Variants in ARHGAP32 observed in about 807,000 individuals in gnomAD.
ARHGAP32 encodes rho GTPase-activating protein 32.
In ARHGAP32, 51 loss-of-function variants were observed where a neutral mutation model predicts 186.5. The ratio of observed to expected loss-of-function variants is 0.27; its 90% confidence interval spans 0.22 to 0.35. The LOEUF (loss-of-function observed/expected upper bound fraction) is 0.35, where lower values mean the gene tolerates loss of function less well. Among genes scored for constraint, ARHGAP32 ranks in the 10% least tolerant of loss-of-function variants. The probability of loss-of-function intolerance (pLI) is 1.00; values close to 1 mark genes in which losing one functional copy is unlikely to be tolerated. For synonymous variants in ARHGAP32, 950 were observed against 964.3 expected, an observed-to-expected ratio of 0.99 and a Z score of 0.27; for missense variants, 2,186 against 2,623.5, an observed-to-expected ratio of 0.83 and a Z score of 3.64.
intron 5 of ARHGAP32, among the ~76,000 whole-genome samples, chr11:129,121,124 T>C (rs1452629805): frequency 6.6e-6 from 1 of 152,086 alleles, no homozygotes; most frequent in Non-Finnish European, 1.5e-5. Context: ...AGGAACTTTA[T>C]TTTAACTGCC....
chr11:129,252,403 G>C (rs1054674461), intron 1 of ARHGAP32, among the ~76,000 whole-genome samples: 2 of 152,142 alleles, frequency 1.3e-5, no homozygotes, highest in Non-Finnish European at 2.9e-5. Flanking sequence ...CAGTTTATCT[G>C]GCAACTTCGG....
Position 129,095,704 on chromosome 11 carries a change from T to C in ARHGAP32, c.445-1997A>G, listed in dbSNP as rs149112841. 3.9e-5 allele frequency among the ~76,000 whole-genome samples: 6 copies of C among 152,302 alleles called. No individual in the cohort carries two copies. The East Asian group carries it at 7.7e-4, about 20-fold the overall frequency. Reference sequence around the variant, plus strand: ...GGGAGAAACTGCAGGCCTTCACAGCTACCCTCAAAGCTCTTGCATAGGGCA... The same window carrying C: ...GGGAGAAACTGCAGGCCTTCACAGCCACCCTCAAAGCTCTTGCATAGGGCA... On this transcript the variant is annotated intron_variant, in intron 5 of 22. Transcript: ENST00000682385.
Position 128,970,370 on chromosome 11 carries a change from G to T in ARHGAP32, c.4843C>A (p.Arg1615=), listed in dbSNP as rs376790703. The part of the protein sequence containing the change: ...SSMIRSVPIS[R]TEVPPDDEPA... Reference sequence around the variant, plus strand: ...TCATCATCTGGGGGAACTTCTGTCCGTGAAATGGGAACAGAGCGAATCATG... The same window carrying T: ...TCATCATCTGGGGGAACTTCTGTCCTTGAAATGGGAACAGAGCGAATCATG... The change falls in exon 23 of 23, where the codon CGG becomes AGG. Residue 1615 remains arginine (R), a synonymous_variant. Coordinates refer to ENST00000682385, the MANE Select transcript of ARHGAP32 (RefSeq NM_001378024.1). This position sits in a 1 kb window ranked among gnomAD's most constrained non-coding sequence, Gnocchi z 5.8. 2 of 1,614,052 alleles carry T rather than the reference G, an allele frequency of 1.2e-6. No homozygotes were observed. The highest frequency in any genetic ancestry group is 1.7e-6 in the Non-Finnish European group (2 of 1,180,032).
intron 11 of ARHGAP32, among the ~76,000 whole-genome samples, chr11:129,009,866 T>C (rs1937986681): frequency 1.3e-5 from 2 of 152,240 alleles, no homozygotes; most frequent in African/African-American, 4.8e-5. Flanking sequence ...ATAGTATTTC[T>C]GCTTCCAGAT....
At chr11:128,991,253 A>G (rs895100846) in intron 12 of ARHGAP32, among the ~76,000 whole-genome samples, 3 of 152,176 alleles carry the variant, frequency 2.0e-5, no homozygotes, top group African/African-American at 4.8e-5. Flanking sequence ...TCGTTTTCTT[A>G]TATTTTGTGT....
intron 1 of ARHGAP32, among the ~76,000 whole-genome samples, chr11:129,186,892 G>C (rs1347248459): frequency 2.0e-5 from 3 of 152,118 alleles, no homozygotes; most frequent in East Asian, 1.9e-4. Flanking sequence ...TGGAGAAATG[G>C]GAACCCTCAC....
intron 11 of ARHGAP32, among the ~76,000 whole-genome samples, chr11:129,026,060 T>C (rs1399784827): frequency 6.6e-6 from 1 of 151,982 alleles, no homozygotes; most frequent in East Asian, 1.9e-4. Flanking sequence ...CCCAAAAAGC[T>C]GTACCCTAAT....
At chr11:129,006,324 T>C (rs1400389849) in intron 11 of ARHGAP32, among the ~76,000 whole-genome samples, 1 of 152,178 alleles carries the variant, frequency 6.6e-6, no homozygotes, top group Non-Finnish European at 1.5e-5. Flanking sequence ...AGGTATTTAT[T>C]GTAGTCTTCA....
rs759127838 is a variant in ARHGAP32, at chr11:128,972,755, G to A, written c.3751C>T (p.Pro1251Ser). Residue 1251 changes from proline (P) to serine (S), a missense_variant, in exon 22 of 23, where the codon CCT (proline) becomes TCT (serine). Transcript: ENST00000682385. ...PLEFADKSPT[P>S]PNLPSDKIYP... ...ATTTTATCGCTAGGTAAATTAGGAGGTGTGGGAGATTTGTCTGCAAATTCT... is the reference window on the plus strand; with the variant it reads ...ATTTTATCGCTAGGTAAATTAGGAGATGTGGGAGATTTGTCTGCAAATTCT... 8.7e-6 allele frequency: 14 copies of A among 1,613,880 alleles called. No homozygotes were observed. The highest frequency in any genetic ancestry group is 3.3e-4 in the Middle Eastern group (2 of 6,084).
At chr11:129,161,275 A>G (rs1447222218) in intron 2 of ARHGAP32, among the ~76,000 whole-genome samples, 3 of 152,180 alleles carry the variant, frequency 2.0e-5, no homozygotes, top group Non-Finnish European at 1.5e-5. Context: ...CACCAAAAGC[A>G]ATAGCAAAAA....
At chr11:129,180,117 ATTAT>A (rs1426678556) in intron 1 of ARHGAP32, among the ~76,000 whole-genome samples, 25 of 152,292 alleles carry the variant, frequency 1.6e-4, no homozygotes, top group African/African-American at 4.8e-4. Flanking sequence ...ACTATATACA[ATTAT>A]TTATTAAGAG....
chr11:129,250,342 C>T (rs1445630644), intron 1 of ARHGAP32, among the ~76,000 whole-genome samples: 1 of 152,126 alleles, frequency 6.6e-6, no homozygotes, highest in Non-Finnish European at 1.5e-5. Context: ...TCTATTTTCC[C>T]TAATTATCTT....
chr11:129,092,283 T>C (rs922230286), intron 6 of ARHGAP32, among the ~76,000 whole-genome samples: 2 of 151,982 alleles, frequency 1.3e-5, no homozygotes, highest in African/African-American at 4.8e-5. Flanking sequence ...AAAGAACATT[T>C]GCATTCTCGA....
At chr11:129,065,602 G>A (rs1021795075) in intron 7 of ARHGAP32, among the ~76,000 whole-genome samples, 3 of 152,066 alleles carry the variant, frequency 2.0e-5, no homozygotes, top group Non-Finnish European at 4.4e-5. Context: ...GGACTTTCAG[G>A]TTTTCTATGG....
At chr11:129,109,788 G>A (rs1003908205) in intron 5 of ARHGAP32, among the ~76,000 whole-genome samples, 1 of 151,464 alleles carries the variant, frequency 6.6e-6, no homozygotes, top group Admixed American at 6.6e-5. Flanking sequence ...TTATTTTTTG[G>A]TTTTTGTTTG....
At chr11:128,975,228 G>A (rs985973648) in intron 20 of ARHGAP32, among the ~76,000 whole-genome samples, 7 of 152,130 alleles carry the variant, frequency 4.6e-5, no homozygotes, top group Admixed American at 2.6e-4. Context: ...ATCAGAGGGC[G>A]AATGCAGTAT....
At chr11:129,201,362 T>G (rs1034923849) in intron 1 of ARHGAP32, among the ~76,000 whole-genome samples, 2 of 152,182 alleles carry the variant, frequency 1.3e-5, no homozygotes, top group African/African-American at 4.8e-5. Flanking sequence ...CAGCCTATGG[T>G]TTCACTGGAT....
chr11:129,255,266 T>C (rs939159785), intron 1 of ARHGAP32, among the ~76,000 whole-genome samples: 2 of 152,080 alleles, frequency 1.3e-5, no homozygotes, highest in Non-Finnish European at 2.9e-5. Context: ...ACAACAAAGC[T>C]GACACTGCAA....
intron 2 of ARHGAP32, among the ~76,000 whole-genome samples, chr11:129,147,653 G>A (rs1943194400): frequency 6.6e-6 from 1 of 152,170 alleles, no homozygotes; most frequent in Non-Finnish European, 1.5e-5. Context: ...CAGTGAAACA[G>A]AACAGTTTTG....
Sources: allele counts gnomAD v4.1 joint callset (sites outside exome capture counted in the v4.1 genomes callset), GRCh38; gene constraint gnomAD v4.1.1; non-coding constraint Gnocchi (gnomAD v3.1); transcripts MANE v1.5; gene names NCBI Gene and HGNC (gene_info 2026-07-23, HGNC 2026-07-21).